The following NDUFA10 variants were observed in gnomAD, a reference collection of about 807,000 sequenced individuals.
NDUFA10 encodes NADH:ubiquinone oxidoreductase subunit A10, also known as NADH dehydrogenase [ubiquinone] 1 alpha subcomplex subunit 10, mitochondrial.
NDUFA10 carries 40 observed loss-of-function variants against 47.8 expected under a neutral mutation model. That is an observed-to-expected ratio of 0.84 (90% CI 0.65 to 1.09). NDUFA10 has a LOEUF of 1.09. NDUFA10 is among the 50% of genes least tolerant of loss of function. The probability of loss-of-function intolerance (pLI) is 0.00; values close to 1 mark genes in which losing one functional copy is unlikely to be tolerated. For missense variants in NDUFA10, 413 were observed against 451.1 expected, an observed-to-expected ratio of 0.92 and a Z score of 0.76; for synonymous variants, 183 against 172.2, an observed-to-expected ratio of 1.06 and a Z score of -0.49.
intron 4 of NDUFA10, among the ~76,000 whole-genome samples, chr2:239,950,942 C>T (rs754340460): frequency 6.6e-6 from 1 of 152,254 alleles, no homozygotes; most frequent in Non-Finnish European, 1.5e-5. Context: ...GTCAGCGTCC[C>T]ACTGGCCACC....
intron 4 of NDUFA10, among the ~76,000 whole-genome samples, chr2:239,895,807 G>A (rs890787331): frequency 6.6e-6 from 1 of 152,122 alleles, no homozygotes; most frequent in Non-Finnish European, 1.5e-5. Flanking sequence ...CTAAACCAAG[G>A]GTTTTGATTT....
intron 4 of NDUFA10, among the ~76,000 whole-genome samples, chr2:239,936,815 C>T (rs979430598): frequency 4.6e-5 from 7 of 152,116 alleles, no homozygotes; most frequent in African/African-American, 1.7e-4. Flanking sequence ...TAGCCAGGCA[C>T]CGGGTGTTGC....
intron 4 of NDUFA10, among the ~76,000 whole-genome samples, chr2:239,916,739 A>T (rs1275033066): frequency 6.6e-6 from 1 of 152,198 alleles, no homozygotes; most frequent in East Asian, 1.9e-4. Context: ...CTGGGGTGGA[A>T]GGTGAGGGAC....
At chr2:239,988,180 G>A (rs747014950) in intron 9 of NDUFA10, among the ~76,000 whole-genome samples, 13 of 152,016 alleles carry the variant, frequency 8.6e-5, no homozygotes, top group Non-Finnish European at 1.8e-4. Context: ...CAGAAAGCTT[G>A]AAATTAAAGG....
At chr2:239,943,275 C>T (rs1305225525) in intron 4 of NDUFA10, among the ~76,000 whole-genome samples, 4 of 152,362 alleles carry the variant, frequency 2.6e-5, no homozygotes, top group South Asian at 2.1e-4. Context: ...CAGAGCCACA[C>T]GAATCTGCCT....
Position 240,003,512 on chromosome 2 carries a change from G to A in NDUFA10, c.890+1698C>T, listed in dbSNP as rs7602660. Among the ~76,000 whole-genome samples, 332 of 152,310 alleles carry A rather than the reference G, an allele frequency of 2.2e-3. 3 individuals carry two copies. Among genetic ancestry groups the A allele is most frequent in the Non-Finnish European group, 1.6e-3 (110 of 68,028 alleles). On this transcript the variant is annotated intron_variant, in intron 8 of 9. Transcript: ENST00000252711. ...CAGGGCAGGCTCAGGCCAAGGGCTC[G>A]AGACTTAACACAAAAGGCAGATCCC...
intron 4 of NDUFA10, among the ~76,000 whole-genome samples, chr2:239,948,694 C>T (rs1019427579): frequency 1.3e-5 from 2 of 152,202 alleles, no homozygotes; most frequent in African/African-American, 4.8e-5. Context: ...GGCTCAGATG[C>T]CAGCCTGACG....
chr2:239,947,556 G>C (rs111903929), intron 4 of NDUFA10, among the ~76,000 whole-genome samples: 1 of 152,190 alleles, frequency 6.6e-6, no homozygotes, highest in Non-Finnish European at 1.5e-5. Flanking sequence ...ACCAGACACA[G>C]ACAGGGACGG....
chr2:239,950,570 C>T (rs917023007), intron 4 of NDUFA10, among the ~76,000 whole-genome samples: 5 of 152,214 alleles, frequency 3.3e-5, no homozygotes, highest in South Asian at 2.1e-4. Context: ...ACCCCACACA[C>T]GGATGAGAGC....
At chr2:239,962,963 C>A (rs1272657206) in intron 9 of NDUFA10, among the ~76,000 whole-genome samples, 9 of 152,268 alleles carry the variant, frequency 5.9e-5, no homozygotes, top group Admixed American at 4.6e-4. Context: ...ACACCACCCA[C>A]CAGACCCCAC....
intron 9 of NDUFA10, among the ~76,000 whole-genome samples, chr2:239,968,269 G>A (rs1385830721): frequency 1.3e-5 from 2 of 152,210 alleles, no homozygotes; most frequent in African/African-American, 4.8e-5. Context: ...TGGCCATTCA[G>A]GAGGAGGGAG....
In NDUFA10 at chr2:240,016,118, T is replaced by A. The variant is rs548955614; in HGVS notation, c.548-1258A>T. On this transcript the variant is annotated intron_variant, in intron 4 of 9. Transcript: ENST00000252711. This position sits in a 1 kb window ranked among gnomAD's most constrained non-coding sequence, Gnocchi z 4.4. ...CTAGTAACCTCACTCTAGAGGCAACTGTGGGATGAGCCTTTGGCTCAGGGT... is the reference window on the plus strand; with the variant it reads ...CTAGTAACCTCACTCTAGAGGCAACAGTGGGATGAGCCTTTGGCTCAGGGT... 6.9e-4 allele frequency among the ~76,000 whole-genome samples: 104 copies of A among 151,588 alleles called. No individual in the cohort carries two copies. Among genetic ancestry groups the A allele is most frequent in the Middle Eastern group, 6.9e-3 (2 of 290 alleles).
At chr2:239,997,500 C>T (rs1231455294) in intron 8 of NDUFA10, among the ~76,000 whole-genome samples, 1 of 152,112 alleles carries the variant, frequency 6.6e-6, no homozygotes, top group Non-Finnish European at 1.5e-5. Flanking sequence ...TTCAGAGAAC[C>T]AGGTCCAAGT....
chr2:239,940,231 T>G (rs1333771328), intron 4 of NDUFA10, among the ~76,000 whole-genome samples: 1 of 152,222 alleles, frequency 6.6e-6, no homozygotes, highest in Non-Finnish European at 1.5e-5. Context: ...CCAATAAAGT[T>G]TTATTTACAA....
Position 239,965,209 on chromosome 2 carries a change from A to C in NDUFA10, c.1000-4023T>G, listed in dbSNP as rs1054093503. Among the ~76,000 whole-genome samples the C allele has an allele frequency of 2.0e-5, 3 of 151,914 alleles. 1 individual carries two copies. Among genetic ancestry groups the C allele is most frequent in the Non-Finnish European group, 4.4e-5 (3 of 68,008 alleles). On this transcript the variant is annotated intron_variant, in intron 9 of 9. Coordinates refer to ENST00000252711, the MANE Select transcript of NDUFA10 (RefSeq NM_004544.4). ...ATTGTCTCGGAAAGTTTGTGTCTGG[A>C]CTTCTCAGGCAGCAGTTAACTGGCC...
At chr2:239,935,154 CG>C (rs1432555430) in intron 4 of NDUFA10, among the ~76,000 whole-genome samples, 1 of 152,158 alleles carries the variant, frequency 6.6e-6, no homozygotes, top group Non-Finnish European at 1.5e-5. Flanking sequence ...CAAAATTGAA[CG>C]GGGTGCCTCC....
Position 239,966,149 on chromosome 2 carries a change from G to A in NDUFA10, c.1000-4963C>T, listed in dbSNP as rs567527515. Among the ~76,000 whole-genome samples the A allele has an allele frequency of 2.2e-4, 34 of 152,276 alleles. No homozygotes were observed. The South Asian group carries it at 6.2e-3, about 28-fold the overall frequency. ...TGGCCCACCGGGAGTGTTCCAGGGC[G>A]AGGCCTGGAGCTGGGAAGGGATTTT... On this transcript the variant is annotated intron_variant, in intron 9 of 9. Coordinates refer to ENST00000252711, the MANE Select transcript of NDUFA10 (RefSeq NM_004544.4).
In NDUFA10 at chr2:239,957,905, G is replaced by C. The variant is rs1271157108; in HGVS notation, c.*3213C>G. On this transcript the variant is annotated 3_prime_UTR_variant, in exon 10 of 10. Coordinates refer to ENST00000252711, the MANE Select transcript of NDUFA10 (RefSeq NM_004544.4). The stretch of plus-strand genomic sequence containing the variant: ...TCCCAAGGGAAGCTCGCTGCTTCGA[G>C]TCACACACGTGTTGCTGTTATAAGG... The C allele has an allele frequency of 6.6e-6, 1 of 152,226 alleles. No individual in the cohort carries two copies. The highest frequency in any genetic ancestry group is 1.9e-4 in the East Asian group (1 of 5,202). The allele number at this position is 152,226 out of a possible 1,614,324, so 9.4% of individuals were successfully genotyped here. A position where few individuals can be genotyped will look rare whatever the true frequency, so the allele number is the denominator to read the frequency against.
In NDUFA10 at chr2:239,942,246, G is replaced by A. The variant is rs58263572; in HGVS notation, c.295-46932C>T. On this transcript the variant is annotated intron_variant, in intron 4 of 5. Coordinates refer to the NDUFA10 transcript ENST00000419408. ...TTTCCTCTAGGGCAGCGGTGTTCAC[G>A]CGGTAGTGTGCGCTGCAATCACCTT... is the stretch of plus-strand genomic sequence containing the variant. 8.1e-3 allele frequency among the ~76,000 whole-genome samples: 1,241 copies of A among 152,308 alleles called. 15 individuals are homozygous for A. The highest frequency in any genetic ancestry group is 0.028 in the African/African-American group (1,184 of 41,554).
Sources: allele counts gnomAD v4.1 joint callset (sites outside exome capture counted in the v4.1 genomes callset), GRCh38; gene constraint gnomAD v4.1.1; non-coding constraint Gnocchi (gnomAD v3.1); transcripts MANE v1.5; gene names NCBI Gene and HGNC (gene_info 2026-07-23, HGNC 2026-07-21).